The following ANO4 variants were observed in gnomAD, a reference collection of about 807,000 sequenced individuals.
ANO4 encodes the protein anoctamin-4.
Under a neutral mutation model 141.9 loss-of-function variants are expected in ANO4, and 69 were observed. The ratio of observed to expected loss-of-function variants is 0.49; its 90% CI spans 0.40 to 0.59. The LOEUF is 0.59. ANO4 is among the 20% of genes least tolerant of loss of function. The pLI, the probability that ANO4 is intolerant of heterozygous loss-of-function variation, is 0.00. For missense variants in ANO4, 894 were observed against 1,162.2 expected (o/e 0.77, Z 3.36); for synonymous variants, 350 against 394.3 (o/e 0.89, Z 1.33).
chr12:101,045,984 AT>A (rs903855501), intron 13 of ANO4, among the ~76,000 whole-genome samples: 1 of 152,046 alleles, frequency 6.6e-6, no homozygotes, highest in African/African-American at 2.4e-5. Context: ...ATATTTCATT[AT>A]TTTGGCCTGT....
chr12:100,889,338 CAT>C, intron 1 of ANO4, among the ~76,000 whole-genome samples: 1 of 152,154 alleles, frequency 6.6e-6, no homozygotes, highest in African/African-American at 2.4e-5. Context: ...CCGCAGTAAA[CAT>C]ATGTGTGCAT....
chr12:101,051,061 T>G (rs997534767), intron 14 of ANO4, among the ~76,000 whole-genome samples: 1 of 152,226 alleles, frequency 6.6e-6, no homozygotes, highest in African/African-American at 2.4e-5. Flanking sequence ...TGAGACTACA[T>G]AGAAGTAAAT....
At chr12:100,717,687 C>A (rs1037511592) in intron 1 of ANO4, 3 of 394,790 alleles carry the variant, frequency 7.6e-6, no homozygotes, top group Non-Finnish European at 4.5e-6. Context: ...CCGTGCGCGC[C>A]GCTCCTGAGG....
intron 14 of ANO4, chr12:101,068,296 T>A: frequency 7.1e-7 from 1 of 1,408,028 alleles, no homozygotes; most frequent in Non-Finnish European, 9.9e-7. Context: ...AGATTCCGCC[T>A]GCTCCTACGA....
chr12:100,858,806 T>TC (rs57831869), intron 1 of ANO4, among the ~76,000 whole-genome samples: 128,768 of 152,020 alleles, frequency 0.85, 54,732 homozygotes, highest in African/African-American at 0.91. Flanking sequence ...CTGCCCTGCT[T>TC]CTTTTTCTGC....
chr12:101,079,094 C>T, intron 14 of ANO4, 99 bp from the exon 15 acceptor site: 2 of 1,012,296 alleles, frequency 2.0e-6, no homozygotes, highest in Admixed American at 1.8e-5. Flanking sequence ...ACACTAACAA[C>T]TGTCATTCTT....
chr12:100,882,630 C>G (rs2135960874), intron 1 of ANO4, among the ~76,000 whole-genome samples: 1 of 152,220 alleles, frequency 6.6e-6, no homozygotes, highest in Admixed American at 6.5e-5. Flanking sequence ...GATTATAGCT[C>G]CACCCACTAG....
At chr12:100,764,043 G>C (rs1162453520) in intron 3 of ANO4, among the ~76,000 whole-genome samples, 1 of 152,120 alleles carries the variant, frequency 6.6e-6, no homozygotes, top group African/African-American at 2.4e-5. Context: ...ACTATGTCAA[G>C]ACTCATATTT....
At chr12:100,869,895 A>T (rs569578489) in intron 1 of ANO4, among the ~76,000 whole-genome samples, 2 of 152,186 alleles carry the variant, frequency 1.3e-5, no homozygotes, top group African/African-American at 4.8e-5. Flanking sequence ...CCTGCATTTC[A>T]TCTCCTACCA....
intron 14 of ANO4, chr12:101,068,679 G>C (rs878945225): frequency 3.3e-5 from 43 of 1,305,642 alleles, no homozygotes; most frequent in Non-Finnish European, 4.3e-5. Flanking sequence ...TTAACTATTA[G>C]AGTAGGATCA....
At chr12:100,759,332 C>T (rs2032754840) in intron 3 of ANO4, among the ~76,000 whole-genome samples, 1 of 152,148 alleles carries the variant, frequency 6.6e-6, no homozygotes, top group South Asian at 2.1e-4. Flanking sequence ...TATTTTTGTT[C>T]AACTAAGAAC....
Position 100,893,700 on chromosome 12 carries a change from G to C in ANO4, c.-140-7946G>C, listed in dbSNP as rs1262332816. ...GGGAATATACCTTCTCTCTCTATTG[G>C]GAAGTACTAACAAGTCACATGGCAG... On this transcript the variant is annotated intron_variant, in intron 1 of 27. Coordinates refer to ENST00000392977, the MANE Select transcript of ANO4 (RefSeq NM_001286615.2). Among the ~76,000 whole-genome samples the C allele has an allele frequency of 2.6e-5, 4 of 152,180 alleles. No homozygotes were observed. In the East Asian group the frequency reaches 7.7e-4, roughly 29 times the overall value.
chr12:100,957,122 T>C (rs1409286228), intron 5 of ANO4, among the ~76,000 whole-genome samples: 1 of 152,210 alleles, frequency 6.6e-6, no homozygotes, highest in Non-Finnish European at 1.5e-5. Flanking sequence ...GAAGAAAATA[T>C]TATCATTTAG....
chr12:100,902,684 T>C (rs1004678708), intron 2 of ANO4, among the ~76,000 whole-genome samples: 2 of 152,238 alleles, frequency 1.3e-5, no homozygotes, highest in African/African-American at 4.8e-5. Context: ...TCTCTTAGCA[T>C]GTAACCTTGC....
At chr12:100,794,424 A>G (rs1161618657), upstream of ANO4, among the ~76,000 whole-genome samples, 4 of 152,146 alleles carry the variant, frequency 2.6e-5, no homozygotes, top group African/African-American at 7.2e-5. Flanking sequence ...AATACAAGCA[A>G]ACATTAACAG....
At chr12:101,038,009 A>G (rs2047265720) in intron 10 of ANO4, among the ~76,000 whole-genome samples, 1 of 137,806 alleles carries the variant, frequency 7.3e-6, no homozygotes, top group Non-Finnish European at 1.7e-5. Flanking sequence ...TCTTTCCAAA[A>G]CATACTTTTT....
intron 8 of ANO4, among the ~76,000 whole-genome samples, chr12:101,018,193 A>G (rs1242091404): frequency 6.6e-6 from 1 of 152,210 alleles, no homozygotes; most frequent in African/African-American, 2.4e-5. Flanking sequence ...GGCCTGTCTC[A>G]AATCAGGTGA....
At chr12:100,835,273 CT>C (rs34600705) in intron 1 of ANO4, among the ~76,000 whole-genome samples, 27,526 of 151,964 alleles carry the variant, frequency 0.18, 2,950 homozygotes, top group Middle Eastern at 0.29. Flanking sequence ...TGACAAATAC[CT>C]TTTGTATATA....
At chr12:101,009,859 C>G (rs2136440956) in intron 8 of ANO4, among the ~76,000 whole-genome samples, 1 of 152,198 alleles carries the variant, frequency 6.6e-6, no homozygotes, top group South Asian at 2.1e-4. Context: ...TATTGGACTT[C>G]CTGGGCTGAT....
Sources: allele counts gnomAD v4.1 joint callset (sites outside exome capture counted in the v4.1 genomes callset), GRCh38; gene constraint gnomAD v4.1.1; transcripts MANE v1.5; gene names NCBI Gene and HGNC (gene_info 2026-07-23, HGNC 2026-07-21).